The following DNAH6 variants were observed in gnomAD, a reference collection of about 807,000 sequenced individuals.
The protein encoded by DNAH6 is dynein axonemal heavy chain 6, also known as axonemal beta dynein heavy chain 6.
A neutral mutation model predicts 491.4 loss-of-function variants in DNAH6; 340 were observed. The ratio of observed to expected loss-of-function variants is 0.69; its 90% confidence interval spans 0.63 to 0.76. The LOEUF is 0.76. Ranked by LOEUF, DNAH6 falls within the 30% of genes least tolerant of loss-of-function variation. DNAH6 has a pLI of 0.00. For missense variants in DNAH6, 4,443 were observed against 4,972.2 expected (o/e 0.89, Z 3.20); for synonymous variants, 1,603 against 1,686.1 (o/e 0.95, Z 1.21).
chr2:84,595,571 G>GT lies in DNAH6; in HGVS notation c.2725-68dup, dbSNP rs1338857547. ...TGTAGATTTGGATTAACTTTTAAAA[G>GT]TTTTTTTAGTATTTCAAACCTGACT... is the stretch of plus-strand genomic sequence containing the variant. On this transcript the variant is annotated intron_variant, in intron 17 of 76. Coordinates refer to ENST00000389394, the MANE Select transcript of DNAH6 (RefSeq NM_001370.2). 44 of 1,318,126 alleles carry GT rather than the reference G, an allele frequency of 3.3e-5. No homozygotes were observed. The African/African-American group carries it at 6.5e-4, about 20-fold the overall frequency. 81.7% of individuals were successfully genotyped at this position (1,318,126 alleles called of 1,614,324 possible). A position where few individuals can be genotyped will look rare whatever the true frequency, so the allele number is the denominator to read the frequency against.
intron 64 of DNAH6, among the ~76,000 whole-genome samples, chr2:84,771,054 C>T (rs1220289813): frequency 6.6e-6 from 1 of 151,824 alleles, no homozygotes; most frequent in Non-Finnish European, 1.5e-5. Flanking sequence ...TTTGGGAGGC[C>T]AAGGTAGGTG....
intron 63 of DNAH6, 104 bp from the exon 64 acceptor site, chr2:84,762,651 C>G: frequency 1.3e-6 from 1 of 774,500 alleles, no homozygotes; most frequent in Non-Finnish European, 2.1e-6. Flanking sequence ...AGAATAAGTA[C>G]AAAAACACAG....
At chr2:84,565,510 TC>T (rs1347743444) in intron 11 of DNAH6, among the ~76,000 whole-genome samples, 3 of 152,028 alleles carry the variant, frequency 2.0e-5, no homozygotes, top group African/African-American at 7.2e-5. Flanking sequence ...TCTCTGAGGA[TC>T]TTTTTTATTT....
intron 56 of DNAH6, 32 bp downstream of exon 56, chr2:84,710,444 T>C: frequency 6.5e-7 from 1 of 1,548,776 alleles, no homozygotes; most frequent in Non-Finnish European, 8.7e-7. Flanking sequence ...CTCATGTCAG[T>C]TCCCAACTTT....
chr2:84,800,851 G>A (rs1034572425), intron 70 of DNAH6, among the ~76,000 whole-genome samples: 2 of 151,936 alleles, frequency 1.3e-5, no homozygotes, highest in East Asian at 3.9e-4. Context: ...CAACCCAAAT[G>A]TCCAACAATG....
At chr2:84,578,909 T>C (rs886706121) in intron 13 of DNAH6, among the ~76,000 whole-genome samples, 2 of 152,202 alleles carry the variant, frequency 1.3e-5, no homozygotes, top group Non-Finnish European at 2.9e-5. Context: ...TGGTTTTTCC[T>C]GCACTCTCAC....
rs1430521241 is a variant in DNAH6, at chr2:84,585,582, C to CT, written c.2481+1333dup. Among the ~76,000 whole-genome samples the CT allele has an allele frequency of 1.3e-4, 20 of 151,868 alleles. No homozygotes were observed. In the South Asian group the frequency reaches 3.8e-3, roughly 29 times the overall value. ...CTCTGCAGGCAGGTTGTCCCATCAT[C>CT]TCTGCAGCTCTCAGCAGAGAGGAGG... is the stretch of plus-strand genomic sequence containing the variant. On this transcript the variant is annotated intron_variant, in intron 15 of 76. Transcript: ENST00000389394.
chr2:84,461,642 A>G, the DNAH6 span, among the ~76,000 whole-genome samples: 12 of 152,364 alleles, frequency 7.9e-5, no homozygotes, highest in East Asian at 2.3e-3. Flanking sequence ...TAGTATATAA[A>G]GCTACTGTCA....
chr2:84,554,778 C>T (rs1679855015), intron 10 of DNAH6, among the ~76,000 whole-genome samples: 1 of 152,216 alleles, frequency 6.6e-6, no homozygotes, highest in Non-Finnish European at 1.5e-5. Context: ...CTCATGTCCC[C>T]TCCTGGCCAC....
chr2:84,784,905 G>T lies in DNAH6; in HGVS notation c.10953+95G>T, dbSNP rs1025689214. The T allele has an allele frequency of 1.2e-5, 10 of 835,100 alleles. 1 individual carries two copies. In the Admixed American group the frequency reaches 2.0e-4, roughly 17 times the overall value. 51.7% of individuals were successfully genotyped at this position (835,100 alleles called of 1,614,324 possible). ...GAGATCAGAGCCTGCACAGAAGCAT[G>T]TGGAGGTCTGTGTGGCCAGCATGGG... On this transcript the variant is annotated intron_variant, in intron 66 of 76. Coordinates refer to ENST00000389394, the MANE Select transcript of DNAH6 (RefSeq NM_001370.2).
chr2:84,634,649 A>C lies in DNAH6; in HGVS notation c.4653+8A>C. 1 of 1,509,566 alleles carries C rather than the reference A, an allele frequency of 6.6e-7. No homozygotes were observed. Among genetic ancestry groups the C allele is most frequent in the South Asian group, 1.3e-5 (1 of 77,098 alleles). 93.5% of individuals were successfully genotyped at this position (1,509,566 alleles called of 1,614,324 possible). On this transcript the variant is annotated splice_region_variant and intron_variant, in intron 30 of 76. Transcript: ENST00000389394. ...AACGCCAAAGCGGCAAAGGTAAGGC[A>C]CTGGGCAATCGACTTTCAAGGTAGC... is the stretch of plus-strand genomic sequence containing the variant.
At chr2:84,628,582 G>A (rs2104439052) in intron 29 of DNAH6, among the ~76,000 whole-genome samples, 2 of 152,254 alleles carry the variant, frequency 1.3e-5, no homozygotes, top group East Asian at 3.9e-4. Context: ...AAATATTCAA[G>A]CACTGGGTTG....
chr2:84,764,432 T>C (rs903549290), intron 64 of DNAH6, among the ~76,000 whole-genome samples: 1 of 152,156 alleles, frequency 6.6e-6, no homozygotes, highest in African/African-American at 2.4e-5. Context: ...CATGAAAAGA[T>C]GCCATTTCAC....
chr2:84,511,251 C>G, the DNAH6 span, among the ~76,000 whole-genome samples: 2 of 152,190 alleles, frequency 1.3e-5, no homozygotes, highest in East Asian at 1.9e-4. Flanking sequence ...GCTTTGTTTA[C>G]GTACTCAAGC....
chr2:84,498,785 C>CA, the DNAH6 span, among the ~76,000 whole-genome samples: 5 of 151,904 alleles, frequency 3.3e-5, no homozygotes, highest in Admixed American at 1.3e-4. Context: ...TGGTGGCTGT[C>CA]ACCCCTCACT....
intron 55 of DNAH6, 99 bp downstream of exon 55, chr2:84,709,645 T>C: frequency 7.8e-7 from 1 of 1,284,808 alleles, no homozygotes; most frequent in South Asian, 1.4e-5. Context: ...CTTGGAGATT[T>C]AGATTTAACA....
intron 14 of DNAH6, among the ~76,000 whole-genome samples, chr2:84,582,205 C>G (rs1683097263): frequency 6.6e-6 from 1 of 152,168 alleles, no homozygotes. Context: ...GCAGGAATAT[C>G]TTTCAGAATC....
intron 64 of DNAH6, among the ~76,000 whole-genome samples, chr2:84,763,840 A>G (rs540848088): frequency 6.6e-6 from 1 of 151,896 alleles, no homozygotes; most frequent in Non-Finnish European, 1.5e-5. Context: ...TCTGAGTCCA[A>G]AAGCCTGAGA....
intron 10 of DNAH6, among the ~76,000 whole-genome samples, chr2:84,557,325 T>A (rs1255207701): frequency 2.6e-5 from 4 of 152,208 alleles, no homozygotes; most frequent in Non-Finnish European, 5.9e-5. Flanking sequence ...CAGTTATTCT[T>A]ATTTATTTTA....
Sources: allele counts gnomAD v4.1 joint callset (sites outside exome capture counted in the v4.1 genomes callset), GRCh38; gene constraint gnomAD v4.1.1; transcripts MANE v1.5; gene names NCBI Gene and HGNC (gene_info 2026-07-23, HGNC 2026-07-21).